USP2: variants seen among roughly 807,000 people sequenced by gnomAD.
USP2 encodes ubiquitin carboxyl-terminal hydrolase 2.
Under a neutral mutation model 72.0 loss-of-function variants are expected in USP2, and 33 were observed. The ratio of observed to expected loss-of-function variants is 0.46; its 90% CI spans 0.35 to 0.61. USP2 has a LOEUF of 0.61. Ranked by LOEUF, USP2 falls within the 20% of genes least tolerant of loss-of-function variation. The pLI is 0.01. For synonymous variants in USP2, 296 were observed against 312.5 expected, an observed-to-expected ratio of 0.95 and a Z score of 0.56; for missense variants, 691 against 797.8, an observed-to-expected ratio of 0.87 and a Z score of 1.61.
chr11:119,374,990 C>G (rs1425472794), intron 1 of USP2, among the ~76,000 whole-genome samples: 1 of 152,220 alleles, frequency 6.6e-6, no homozygotes, highest in Non-Finnish European at 1.5e-5. Flanking sequence ...TGGCTACCAT[C>G]TCCTCCCCCA....
intron 2 of USP2, among the ~76,000 whole-genome samples, chr11:119,370,851 G>A (rs1364916923): frequency 6.6e-6 from 1 of 152,132 alleles, no homozygotes; most frequent in Non-Finnish European, 1.5e-5. Context: ...CCTTGGCCCT[G>A]GAGCCGGGGG....
intron 2 of USP2, among the ~76,000 whole-genome samples, chr11:119,360,584 C>A (rs999469218): frequency 2.0e-5 from 3 of 151,948 alleles, no homozygotes; most frequent in Non-Finnish European, 4.4e-5. Flanking sequence ...CCACGATGCC[C>A]GGCTAATTTT....
chr11:119,379,380 G>GGC, intron 1 of USP2: 1 of 378,128 alleles, frequency 2.6e-6, no homozygotes, highest in Non-Finnish European at 3.6e-6. Flanking sequence ...GGTGGGGGTG[G>GGC]AACTTGAGAC....
chr11:119,361,168 A>C (rs995373927), intron 2 of USP2, among the ~76,000 whole-genome samples: 2 of 152,240 alleles, frequency 1.3e-5, no homozygotes, highest in Non-Finnish European at 2.9e-5. Context: ...CTCAGGTTTC[A>C]ACATCCTGAC....
In USP2 at chr11:119,381,554, CGCAG is replaced by C. The variant is rs1191457638; in HGVS notation, c.-127_-124del. On this transcript the variant is annotated 5_prime_UTR_variant, in exon 1 of 13. An upstream open reading frame in the 5' UTR loses its in-frame stop. Transcript: ENST00000260187. The stretch of plus-strand genomic sequence containing the variant: ...TGAGTCCCGGCTGGCGCTGGCGCGG[CGCAG>C]TGAGCACCAGCTGACGAAGAGGGCT... 6.9e-5 allele frequency: 106 copies of C among 1,535,854 alleles called. No homozygotes were observed. The highest frequency in any genetic ancestry group is 8.9e-5 in the Non-Finnish European group (102 of 1,146,810).
rs1320166359 is a variant in USP2, at chr11:119,356,285, T to C, written c.*550A>G. ...GTTATGGAAATTAAAAAAAAAAAGTTGGGCTTTTTAAAAACCAAAACCAGC... is the reference window on the plus strand; with the variant it reads ...GTTATGGAAATTAAAAAAAAAAAGTCGGGCTTTTTAAAAACCAAAACCAGC... On this transcript the variant is annotated 3_prime_UTR_variant, in exon 13 of 13. Transcript: ENST00000260187. The C allele has an allele frequency of 6.6e-6, 1 of 151,820 alleles. No homozygotes were observed. Among genetic ancestry groups the C allele is most frequent in the East Asian group, 1.9e-4 (1 of 5,180 alleles). The allele number at this position is 151,820 out of a possible 1,614,324, so 9.4% of individuals were successfully genotyped here.
intron 1 of USP2, among the ~76,000 whole-genome samples, chr11:119,381,112 C>A (rs999209506): frequency 6.6e-6 from 1 of 152,130 alleles, no homozygotes; most frequent in African/African-American, 2.4e-5. Flanking sequence ...GCAAACTGAC[C>A]GGGGAGCTTT....
chr11:119,381,596 C>G lies in USP2; in HGVS notation c.-165G>C, dbSNP rs969820133. The G allele has an allele frequency of 6.6e-7, 1 of 1,517,666 alleles. No individual in the cohort carries two copies. Among genetic ancestry groups the G allele is most frequent in the South Asian group, 1.2e-5 (1 of 83,624 alleles). 94.0% of individuals were successfully genotyped at this position (1,517,666 alleles called of 1,614,324 possible). ...GACGAAGAGGGCTCCCCGGCCTCGG[C>G]TCCTGCCTGACTCTCTCCCACCTCC... On this transcript the variant is annotated 5_prime_UTR_variant, in exon 1 of 13. Coordinates refer to ENST00000260187, the MANE Select transcript of USP2 (RefSeq NM_004205.5).
At chr11:119,374,455 A>G (rs1472571940) in intron 1 of USP2, among the ~76,000 whole-genome samples, 1 of 152,234 alleles carries the variant, frequency 6.6e-6, no homozygotes, top group Non-Finnish European at 1.5e-5. Flanking sequence ...TGGAGCTTTG[A>G]GAGCCCCAGA....
chr11:119,373,266 AGGAGGGAGGAGGGGCCATAGGTACGG>A lies in USP2; in HGVS notation c.189_214del (p.Arg64GlyfsTer3). Reference sequence around the variant, plus strand: ...CAGGGGGCGGCCCCGGTCATAGTCCAGGAGGGAGGAGGGGCCATAGGTACGGGGACGGGTGAGGAAGCTGCTGGTGG... The same window carrying A: ...CAGGGGGCGGCCCCGGTCATAGTCCAGGACGGGTGAGGAAGCTGCTGGTGG... On this transcript the variant is annotated frameshift_variant, in exon 2 of 13. Coordinates refer to ENST00000260187, the MANE Select transcript of USP2 (RefSeq NM_004205.5). LOFTEE classifies it high-confidence loss of function. 1 of 1,613,858 alleles carries A rather than the reference AGGAGGGAGGAGGGGCCATAGGTACGG, an allele frequency of 6.2e-7. No individual in the cohort carries two copies. Among genetic ancestry groups the A allele is most frequent in the Non-Finnish European group, 8.5e-7 (1 of 1,179,868 alleles).
In USP2 at chr11:119,357,124, T is replaced by G. The variant is rs563062231; in HGVS notation, c.1730+63A>C. On this transcript the variant is annotated intron_variant, in intron 12 of 12. Transcript: ENST00000260187. Reference sequence around the variant, plus strand: ...GAGGGGGGTGGGTTTGGGGGGAGGGTGGAGGAGTGGGGGGAGAGTGGGTGG... The same window carrying G: ...GAGGGGGGTGGGTTTGGGGGGAGGGGGGAGGAGTGGGGGGAGAGTGGGTGG... 3,977 of 980,024 alleles carry G rather than the reference T, an allele frequency of 4.1e-3. 30 individuals carry two copies. The highest frequency in any genetic ancestry group is 3.5e-3 in the Non-Finnish European group (2,652 of 752,822). 60.7% of individuals were successfully genotyped at this position (980,024 alleles called of 1,614,324 possible).
At chr11:119,359,494 G>A (rs943457883) in intron 4 of USP2, 43 bp downstream of exon 4, 3 of 1,611,118 alleles carry the variant, frequency 1.9e-6, no homozygotes, top group Non-Finnish European at 2.5e-6. Flanking sequence ...GAGTGGAGGA[G>A]CATCCGGGGG....
At chr11:119,372,034 C>T (rs1168870350) in intron 2 of USP2, among the ~76,000 whole-genome samples, 1 of 152,196 alleles carries the variant, frequency 6.6e-6, no homozygotes, top group Non-Finnish European at 1.5e-5. Flanking sequence ...CCATGCCAGC[C>T]CTTGGTCAGT....
At chr11:119,363,821 C>CG in intron 2 of USP2, 3 of 1,380,866 alleles carry the variant, frequency 2.2e-6, no homozygotes, top group Non-Finnish European at 1.9e-6. Flanking sequence ...GCCCTCGGCG[C>CG]GGGGGTCCCG....
chr11:119,371,249 G>T (rs986025609), intron 2 of USP2, among the ~76,000 whole-genome samples: 2 of 152,046 alleles, frequency 1.3e-5, no homozygotes, highest in African/African-American at 4.8e-5. Flanking sequence ...AGGGAGCCCC[G>T]CAGAGGCTTC....
At chr11:119,373,618 T>TCCC (rs1950964844) in intron 1 of USP2, 97 bp from the exon 2 acceptor site, 4 of 1,184,304 alleles carry the variant, frequency 3.4e-6, no homozygotes, top group Non-Finnish European at 4.6e-6. Flanking sequence ...ACCTCAGAGC[T>TCCC]CCCAGTCCAT....
At chr11:119,369,680 T>C (rs1481590109) in intron 2 of USP2, among the ~76,000 whole-genome samples, 2 of 152,138 alleles carry the variant, frequency 1.3e-5, no homozygotes, top group Non-Finnish European at 2.9e-5. Flanking sequence ...CATGGCATGC[T>C]TGAGAGGTGG....
chr11:119,364,484 C>A (rs891303688), intron 2 of USP2, among the ~76,000 whole-genome samples: 3 of 152,214 alleles, frequency 2.0e-5, no homozygotes, highest in African/African-American at 7.2e-5. Context: ...GATAAGTGAT[C>A]TTTGGGGCCC....
chr11:119,358,008 C>G lies in USP2; in HGVS notation c.1395G>C (p.Glu465Asp). Reference protein sequence around the residue: ...LMDCMRLFTKEDVLDGDEKPT... With the variant: ...LMDCMRLFTKDDVLDGDEKPT... ...GCTTTTCATCTCCATCAAGCACATC[C>G]TCTTTGGTGAAGAGCCTCATGCAGT... The change falls in exon 9 of 13, where the codon GAG (glutamate) becomes GAC (aspartate). Residue 465 changes from glutamate to aspartate, a missense_variant. Coordinates refer to ENST00000260187, the MANE Select transcript of USP2 (RefSeq NM_004205.5). The G allele has an allele frequency of 6.2e-7, 1 of 1,614,202 alleles. No individual in the cohort carries two copies. Among genetic ancestry groups the G allele is most frequent in the Non-Finnish European group, 8.5e-7 (1 of 1,180,042 alleles).
Sources: gnomAD v4.1 joint callset for allele counts (sites outside exome capture counted in the v4.1 genomes callset) on GRCh38, gnomAD v4.1.1 for gene constraint, MANE v1.5 for transcripts, NCBI Gene and HGNC (gene_info 2026-07-23, HGNC 2026-07-21) for gene names.